HR: variants seen among roughly 807,000 people sequenced by gnomAD.
The protein encoded by HR is lysine-specific demethylase hairless.
HR carries 83 observed loss-of-function variants against 128.6 expected under a neutral mutation model. That is an observed-to-expected ratio of 0.65 (90% CI 0.54 to 0.77). HR has a LOEUF of 0.77. Ranked by LOEUF, HR falls within the 30% of genes least tolerant of loss-of-function variation. The probability of loss-of-function intolerance (pLI) is 0.00; values close to 1 mark genes in which losing one functional copy is unlikely to be tolerated. For synonymous variants in HR, 681 were observed against 658.2 expected, an observed-to-expected ratio of 1.03 and a Z score of -0.53; for missense variants, 1,490 against 1,574.6, an observed-to-expected ratio of 0.95 and a Z score of 0.91.
At position 22,122,883 on chromosome 8, in the gene HR, T is replaced by C. The variant is rs749223007; in HGVS notation, c.1916-4A>G. The C allele has an allele frequency of 6.4e-7, 1 of 1,551,446 alleles. No homozygotes were observed. Among genetic ancestry groups the C allele is most frequent in the South Asian group, 1.2e-5 (1 of 84,088 alleles). The stretch of plus-strand genomic sequence containing the variant: ...TCCGCGGACTGCTCCTGAAAGCCTG[T>C]GGGGCAGGAAGGGAAAAGCTGCAGG... On this transcript the variant is annotated splice_polypyrimidine_tract_variant and splice_region_variant and intron_variant, in intron 6 of 18. Transcript: ENST00000381418.
chr8:22,120,661 C>T, intron 11 of HR, 55 bp downstream of exon 11: 1 of 1,529,460 alleles, frequency 6.5e-7, no homozygotes. Flanking sequence ...GGACCAAGGC[C>T]CCGAGGGGCA....
rs763305499 is a variant in HR at position 22,127,770 on chromosome 8, C to T, written c.672G>A (p.Ala224=). 113 of 1,600,438 alleles carry T rather than the reference C, an allele frequency of 7.1e-5. No individual in the cohort carries two copies. The highest frequency in any genetic ancestry group is 9.1e-5 in the Non-Finnish European group (107 of 1,179,966). ...AGTTTAAGCCAAACAACCCAGGTTC[C>T]GCAGCTGCCAAGGGCTCCTTTGCCA... The part of the protein sequence containing the change: ...PRLAKEPLAA[A]EPGLFGLNSG... The change falls in exon 3 of 19, where the codon GCG becomes GCA. Residue 224 remains alanine (A), a synonymous_variant. Coordinates refer to ENST00000381418, the MANE Select transcript of HR (RefSeq NM_005144.5).
Position 22,120,495 on chromosome 8 carries a change from AC to A in HR, c.2622del (p.Ser875GlnfsTer27). 1 of 1,613,850 alleles carries A rather than the reference AC, an allele frequency of 6.2e-7. No homozygotes were observed. Among genetic ancestry groups the A allele is most frequent in the Non-Finnish European group, 8.5e-7 (1 of 1,180,008 alleles). On this transcript the variant is annotated frameshift_variant, in exon 12 of 19. Coordinates refer to ENST00000381418, the MANE Select transcript of HR (RefSeq NM_005144.5). LOFTEE classifies it high-confidence loss of function. ...EHWRQGQPVL[V>X]SGIQRTLQGN... ...CCCTGCAATGTCCTTTGGATCCCTG[AC>A]ACCAACACAGGCTGTGGTGGGAAAG... is the stretch of plus-strand genomic sequence containing the variant.
intron 16 of HR, 195 bp from the exon 17 acceptor site, chr8:22,117,234 T>C: frequency 1.8e-6 from 1 of 570,892 alleles, no homozygotes; most frequent in Non-Finnish European, 3.0e-6. Context: ...CACATTTGGC[T>C]GGAAGGAGCT....
rs752846756 is a variant in HR at position 22,120,139 on chromosome 8, CAGG to C, written c.2808_2810del (p.Leu938del). ...CCTCATCCCCCAAAGCTCGGTGCAG[CAGG>C]AGGACAGAGCCCTCGTCTGACTTTG... On this transcript the variant is annotated inframe_deletion, in exon 13 of 19. Coordinates refer to ENST00000381418, the MANE Select transcript of HR (RefSeq NM_005144.5). 1.9e-6 allele frequency: 3 copies of C among 1,593,680 alleles called. No individual in the cohort carries two copies. Among genetic ancestry groups the C allele is most frequent in the Non-Finnish European group, 1.7e-6 (2 of 1,170,972 alleles).
rs767804552 is a variant in HR at position 22,118,966 on chromosome 8, C to T, written c.3197G>A (p.Arg1066His). Residue 1066 changes from arginine (R) to histidine (H), a missense_variant, in exon 16 of 19, where the codon CGC (arginine) becomes CAC (histidine). Around this residue, in one of 3 missense-constraint regions of HR, gnomAD observed 423 missense variants for 495.9 expected, o/e 0.85. Coordinates refer to ENST00000381418, the MANE Select transcript of HR (RefSeq NM_005144.5). The part of the protein sequence containing the change: ...VFRAQDAQRI[R>H]RFLQMVCPAG... Reference sequence around the variant, plus strand: ...CCTCCTCACCATCTGGAGAAAGCGGCGGATGCGCTGGGCGTCCTGTGCCCG... The same window carrying T: ...CCTCCTCACCATCTGGAGAAAGCGGTGGATGCGCTGGGCGTCCTGTGCCCG... The T allele has an allele frequency of 1.2e-5, 19 of 1,611,534 alleles. No individual in the cohort carries two copies. The highest frequency in any genetic ancestry group is 6.6e-5 in the South Asian group (6 of 91,040).
At chr8:22,123,617 T>TGGGGGGCCCCCCC in intron 6 of HR, 32 bp downstream of exon 6, 3 of 292,090 alleles carry the variant, frequency 1.0e-5, no homozygotes, top group African/African-American at 2.8e-5. Context: ...GAGGGCTCCA[T>TGGGGGGCCCCCCC]CCCGCCCTCC....
chr8:22,115,629 G>A lies in HR; in HGVS notation c.*71C>T. The A allele has an allele frequency of 7.3e-7, 1 of 1,362,448 alleles. No homozygotes were observed. The highest frequency in any genetic ancestry group is 1.0e-6 in the Non-Finnish European group (1 of 952,584). 84.4% of individuals were successfully genotyped at this position (1,362,448 alleles called of 1,614,324 possible). On this transcript the variant is annotated 3_prime_UTR_variant, in exon 19 of 19. Transcript: ENST00000381418. ...CCCAAGTCCCCTAGCGCCATCCCCT[G>A]CTGAAGTTGTGCCTGGGCTGAGCAC...
chr8:22,127,060 G>A lies in HR; in HGVS notation c.1382C>T (p.Ser461Leu), dbSNP rs772209791. 18 of 1,612,020 alleles carry A rather than the reference G, an allele frequency of 1.1e-5. No individual in the cohort carries two copies. Among genetic ancestry groups the A allele is most frequent in the South Asian group, 7.7e-5 (7 of 90,986 alleles). ...ACCTTTCTGCTCATCATGCTGTCCCGAGTCCACATCCTTGTTCCCTATCGA... is the reference window on the plus strand; with the variant it reads ...ACCTTTCTGCTCATCATGCTGTCCCAAGTCCACATCCTTGTTCCCTATCGA... ...DTSIGNKDVD[S>L]GQHDEQKGPQ... The change falls in exon 3 of 19, where the codon TCG becomes TTG. Residue 461 changes from serine to leucine, a missense_variant. Transcript: ENST00000381418.
chr8:22,128,868 C>CCT lies in HR; in HGVS notation c.302_303insAG (p.Ala102GlyfsTer22). On this transcript the variant is annotated frameshift_variant, in exon 2 of 19. Transcript: ENST00000381418. LOFTEE classifies it high-confidence loss of function. The stretch of plus-strand genomic sequence containing the variant: ...ATGCCAGCGGATGGGTAAGCATGGC[C>CCT]TCCTTCCAGCGCAGTCCCTCTTTGC... 6.2e-7 allele frequency: 1 copy of CCT among 1,613,426 alleles called. No individual in the cohort carries two copies. The highest frequency in any genetic ancestry group is 8.5e-7 in the Non-Finnish European group (1 of 1,180,024).
intron 5 of HR, among the ~76,000 whole-genome samples, chr8:22,124,235 T>C (rs952729174): frequency 2.0e-5 from 3 of 152,174 alleles, no homozygotes; most frequent in Non-Finnish European, 4.4e-5. Context: ...GGAGACTTTG[T>C]TGTCGTTGTT....
At position 22,121,145 on chromosome 8, in the gene HR, C is replaced by T. The variant is rs1387245322; in HGVS notation, c.2287G>A (p.Ala763Thr). The T allele has an allele frequency of 6.8e-6, 11 of 1,613,832 alleles. No individual in the cohort carries two copies. The highest frequency in any genetic ancestry group is 9.3e-6 in the Non-Finnish European group (11 of 1,180,040). The change falls in exon 10 of 19, where the codon GCT becomes ACT. Residue 763 changes from alanine (A) to threonine (T), a missense_variant. Coordinates refer to ENST00000381418, the MANE Select transcript of HR (RefSeq NM_005144.5). ...AAGCAGAGTTTGACCGCGGTAGAAGCCAGCAGTTCGCAGAGAGAAGGACAA... is the reference window on the plus strand; with the variant it reads ...AAGCAGAGTTTGACCGCGGTAGAAGTCAGCAGTTCGCAGAGAGAAGGACAA... ...LPCPSLCELL[A>T]STAVKLCLGH...
intron 11 of HR, 81 bp from the exon 12 acceptor site, chr8:22,120,588 A>T: frequency 6.3e-7 from 1 of 1,596,902 alleles, no homozygotes; most frequent in Non-Finnish European, 8.5e-7. Context: ...TTGTAAGGGC[A>T]GTAGAACAGC....
Position 22,120,326 on chromosome 8 carries a change from T to TC in HR, c.2776+15_2776+16insG. ...TGGGCTCCCAGCTCCCTCTCCCCTG[T>TC]GTTGGGGACACTTACGCTCAGGCCA... On this transcript the variant is annotated intron_variant, in intron 12 of 18. Transcript: ENST00000381418. 6.2e-7 allele frequency: 1 copy of TC among 1,613,682 alleles called. No individual in the cohort carries two copies. Among genetic ancestry groups the TC allele is most frequent in the South Asian group, 1.1e-5 (1 of 91,078 alleles).
Position 22,128,768 on chromosome 8 carries a change from G to A in HR, c.403C>T (p.Pro135Ser), listed in dbSNP as rs767205010. The A allele has an allele frequency of 6.2e-7, 1 of 1,608,342 alleles. No homozygotes were observed. The highest frequency in any genetic ancestry group is 1.7e-5 in the Admixed American group (1 of 58,918). ...EHSGGHLKSD[P>S]VAFRPWHCPF... ...CAGTGCCAGGGCCGGAAGGCCACAG[G>A]GTCACTCTTGAGATGGCCACCACTA... Residue 135 changes from proline to serine, a missense_variant, in exon 2 of 19, where the codon CCT (proline) becomes TCT (serine). Physicochemically the swap from Pro to Ser is moderately conservative, Grantham distance 74. Around this residue, in one of 3 missense-constraint regions of HR, gnomAD observed 1,060 missense variants for 1,060.9 expected, o/e 1.00. Coordinates refer to ENST00000381418, the MANE Select transcript of HR (RefSeq NM_005144.5).
At chr8:22,122,671 G>T in intron 7 of HR, 63 bp from the exon 8 acceptor site, 1 of 1,493,128 alleles carries the variant, frequency 6.7e-7, no homozygotes, top group East Asian at 2.4e-5. Flanking sequence ...AGGCAGTCCC[G>T]GGCAGCTTGG....
Position 22,125,633 on chromosome 8 carries a change from T to C in HR, c.1505A>G (p.Gln502Arg). 1 of 1,611,038 alleles carries C rather than the reference T, an allele frequency of 6.2e-7. No individual in the cohort carries two copies. The highest frequency in any genetic ancestry group is 8.5e-7 in the Non-Finnish European group (1 of 1,178,986). ...GTGCCCTCCTCCCTCTCCAGCTGCC[T>C]GGGCACAACTTTGGCATTGAGCCAG... Reference protein sequence around the residue: ...AKLAQCQSCAQAAGEGGGHAC... With the variant: ...AKLAQCQSCARAAGEGGGHAC... The change falls in exon 4 of 19, where the codon CAG becomes CGG. Residue 502 changes from glutamine to arginine, a missense_variant. Coordinates refer to ENST00000381418, the MANE Select transcript of HR (RefSeq NM_005144.5).
At position 22,125,399 on chromosome 8, in the gene HR, G is replaced by T; in HGVS notation, c.1662C>A (p.Leu554=). The change falls in exon 5 of 19, where the codon CTC becomes CTA. Residue 554 remains leucine, a synonymous_variant. Transcript: ENST00000381418. ...SGPDSRLSTG[L]AKHLLSGLGD... ...CCAAACCACTGAGCAGGTGCTTGGC[G>T]AGGCCTGTGCTGAGCCGGCTGTCAG... The T allele has an allele frequency of 6.2e-7, 1 of 1,611,856 alleles. No individual in the cohort carries two copies. The highest frequency in any genetic ancestry group is 1.3e-5 in the African/African-American group (1 of 75,064).
At position 22,116,440 on chromosome 8, in the gene HR, G is replaced by T. The variant is rs1265773273; in HGVS notation, c.3379-12C>A. On this transcript the variant is annotated splice_polypyrimidine_tract_variant and intron_variant, in intron 17 of 18. Transcript: ENST00000381418. This position sits in a 1 kb window ranked among gnomAD's most constrained non-coding sequence, Gnocchi z 4.2. ...ACCAGGCCCTGCACCTGTGTCGGGGGGACATGGACAGTGAGGCTCAAGATC... is the reference window on the plus strand; with the variant it reads ...ACCAGGCCCTGCACCTGTGTCGGGGTGACATGGACAGTGAGGCTCAAGATC... The T allele has an allele frequency of 1.2e-6, 2 of 1,613,226 alleles. No individual in the cohort carries two copies. Among genetic ancestry groups the T allele is most frequent in the Non-Finnish European group, 1.7e-6 (2 of 1,179,680 alleles).
Sources: gnomAD v4.1 joint callset for allele counts (sites outside exome capture counted in the v4.1 genomes callset) on GRCh38, gnomAD v4.1.1 for gene constraint, gnomAD v4.1.1 regional missense constraint, Gnocchi (gnomAD v3.1) non-coding constraint, MANE v1.5 for transcripts, NCBI Gene and HGNC (gene_info 2026-07-23, HGNC 2026-07-21) for gene names.